GRIP1: variants seen among roughly 807,000 people sequenced by gnomAD.
GRIP1 encodes the protein glutamate receptor-interacting protein 1.
Under a neutral mutation model 129.9 loss-of-function variants are expected in GRIP1, and 45 were observed. The observed-to-expected ratio is 0.35, with a 90% confidence interval of 0.27 to 0.44. The LOEUF is 0.44. Ranked by LOEUF, GRIP1 falls within the 20% of genes least tolerant of loss-of-function variation. The pLI is 1.00. For synonymous variants in GRIP1, 530 were observed against 520.8 expected (o/e 1.02, Z -0.24); for missense variants, 1,196 against 1,396.8 (o/e 0.86, Z 2.29).
chr12:66,441,950 C>T lies in GRIP1; in HGVS notation c.1687+2634G>A, dbSNP rs867421920. 5.9e-5 allele frequency among the ~76,000 whole-genome samples: 9 copies of T among 152,266 alleles called. No individual in the cohort carries two copies. The South Asian group carries it at 1.4e-3, about 25-fold the overall frequency. On this transcript the variant is annotated intron_variant, in intron 13 of 24. Transcript: ENST00000359742. ...TAAACAAGTGCTATTAGCTCTGCTTCGAGCCATGTCCTAAATTCCACTATC... is the reference window on the plus strand; with the variant it reads ...TAAACAAGTGCTATTAGCTCTGCTTTGAGCCATGTCCTAAATTCCACTATC...
intron 1 of GRIP1, among the ~76,000 whole-genome samples, chr12:66,756,278 A>T (rs938125276): frequency 2.6e-5 from 4 of 152,074 alleles, no homozygotes. Flanking sequence ...GTGCAATCAT[A>T]TCATATTTGT....
chr12:66,788,341 C>A (rs556911195), intron 1 of GRIP1, among the ~76,000 whole-genome samples: 1 of 150,538 alleles, frequency 6.6e-6, no homozygotes, highest in African/African-American at 2.4e-5. Flanking sequence ...AATTTTATTT[C>A]TTTGAGTTTA....
intron 2 of GRIP1, among the ~76,000 whole-genome samples, chr12:66,567,182 G>C (rs1476783304): frequency 6.6e-6 from 1 of 152,070 alleles, no homozygotes. Context: ...GAATGTGTTT[G>C]CTCTTGCTTC....
intron 1 of GRIP1, among the ~76,000 whole-genome samples, chr12:66,676,067 A>C (rs1193448410): frequency 6.6e-6 from 1 of 152,178 alleles, no homozygotes; most frequent in Non-Finnish European, 1.5e-5. Context: ...TACATGTTTT[A>C]TACATCTTTT....
chr12:66,445,190 T>C (rs772434829), intron 12 of GRIP1, 132 bp downstream of exon 12: 2 of 801,138 alleles, frequency 2.5e-6, no homozygotes, highest in Non-Finnish European at 4.2e-6. Context: ...TAAAATTTTA[T>C]TGTCAGAAGA....
chr12:66,632,254 C>T (rs1319496650), intron 1 of GRIP1, among the ~76,000 whole-genome samples: 1 of 152,086 alleles, frequency 6.6e-6, no homozygotes, highest in Non-Finnish European at 1.5e-5. Context: ...AACAGAACTG[C>T]ATGGGAGAAA....
intron 1 of GRIP1, among the ~76,000 whole-genome samples, chr12:66,983,142 G>A (rs2042263188): frequency 6.6e-6 from 1 of 152,076 alleles, no homozygotes; most frequent in Non-Finnish European, 1.5e-5. Context: ...TTACGGCAGT[G>A]CCACCGCAAC....
intron 1 of GRIP1, among the ~76,000 whole-genome samples, chr12:66,627,347 G>A (rs1229179086): frequency 6.6e-6 from 1 of 152,146 alleles, no homozygotes; most frequent in Non-Finnish European, 1.5e-5. Flanking sequence ...TTTCATCAGA[G>A]CTCAGTACAC....
rs550126639 is a variant in GRIP1 at position 66,884,685 on chromosome 12, C to T, written c.58+184365G>A. On this transcript the variant is annotated intron_variant, in intron 1 of 1. Coordinates refer to the GRIP1 transcript ENST00000643019. ...TAAAGTTTAGTCTTGGATACAAGACCTACCCAATGATTACCCACAAACAAT... is the reference window on the plus strand; with the variant it reads ...TAAAGTTTAGTCTTGGATACAAGACTTACCCAATGATTACCCACAAACAAT... Among the ~76,000 whole-genome samples, 4 of 152,200 alleles carry T rather than the reference C, an allele frequency of 2.6e-5. No individual in the cohort carries two copies. In the East Asian group the frequency reaches 7.7e-4, roughly 29 times the overall value.
intron 2 of GRIP1, among the ~76,000 whole-genome samples, chr12:66,549,337 T>C (rs7305949): frequency 0.32 from 48,949 of 151,972 alleles, 8,207 homozygotes; most frequent in Non-Finnish European, 0.36. Flanking sequence ...GCAGACAGAG[T>C]TATTTCCCTA....
At chr12:66,506,794 A>C (rs2060540292) in intron 7 of GRIP1, among the ~76,000 whole-genome samples, 2 of 152,198 alleles carry the variant, frequency 1.3e-5, no homozygotes, top group South Asian at 4.1e-4. Flanking sequence ...TTTTATCTCC[A>C]GAAACATAGT....
chr12:66,600,822 G>A (rs184313594), intron 1 of GRIP1, among the ~76,000 whole-genome samples: 17 of 152,250 alleles, frequency 1.1e-4, no homozygotes, highest in African/African-American at 3.4e-4. Context: ...AAGTCACTAC[G>A]GGGCAAAGCA....
Position 66,485,881 on chromosome 12 carries a change from A to C in GRIP1, c.725-20459T>G, listed in dbSNP as rs1327325449. Among the ~76,000 whole-genome samples, 2 of 152,036 alleles carry C rather than the reference A, an allele frequency of 1.3e-5. 1 individual carries two copies. The highest frequency in any genetic ancestry group is 4.8e-5 in the African/African-American group (2 of 41,396). ...TGAATATATGTACACAGACAGATTA[A>C]TATATATATTCATATGTACCACTCA... On this transcript the variant is annotated intron_variant, in intron 7 of 24. Transcript: ENST00000359742.
chr12:66,684,997 C>T (rs763791997), intron 1 of GRIP1, among the ~76,000 whole-genome samples: 2 of 152,196 alleles, frequency 1.3e-5, no homozygotes, highest in Non-Finnish European at 2.9e-5. Context: ...GTAGGACACA[C>T]GTTCCTCTTC....
chr12:66,765,457 A>C (rs2037606437), intron 1 of GRIP1, among the ~76,000 whole-genome samples: 1 of 152,218 alleles, frequency 6.6e-6, no homozygotes, highest in Non-Finnish European at 1.5e-5. Context: ...TATGCAAGTG[A>C]AACAGGAAAT....
At chr12:67,049,134 G>T (rs12372437) in intron 1 of GRIP1, among the ~76,000 whole-genome samples, 58,489 of 152,010 alleles carry the variant, frequency 0.38, 12,898 homozygotes, top group East Asian at 0.81. Context: ...ACCATGCACC[G>T]TTCTTAGAAC....
At chr12:66,682,895 A>G (rs2034639754), upstream of GRIP1, among the ~76,000 whole-genome samples, 4 of 152,188 alleles carry the variant, frequency 2.6e-5, no homozygotes. Context: ...TACAAAATAT[A>G]CCTGATAGAT....
At chr12:66,608,956 TTA>T (rs373025617) in intron 1 of GRIP1, among the ~76,000 whole-genome samples, 13,633 of 144,878 alleles carry the variant, frequency 0.094, 724 homozygotes, top group Middle Eastern at 0.16. Flanking sequence ...ATTATTATTA[TTA>T]TATTATATAT....
chr12:66,404,123 A>C (rs779466695), intron 16 of GRIP1, among the ~76,000 whole-genome samples: 1 of 152,236 alleles, frequency 6.6e-6, no homozygotes, highest in Non-Finnish European at 1.5e-5. Context: ...TTGTAAGGAG[A>C]GAAATGCAAA....
Sources: allele counts gnomAD v4.1 joint callset (sites outside exome capture counted in the v4.1 genomes callset), GRCh38; gene constraint gnomAD v4.1.1; transcripts MANE v1.5; gene names NCBI Gene and HGNC (gene_info 2026-07-23, HGNC 2026-07-21).